The following FAR1 variants were observed in gnomAD, a reference collection of about 807,000 sequenced individuals.
The protein encoded by FAR1 is fatty acyl-CoA reductase 1.
A neutral mutation model predicts 61.1 loss-of-function variants in FAR1; 22 were observed. That is an observed-to-expected ratio of 0.36 (90% CI 0.26 to 0.51). The LOEUF is 0.51. FAR1 is among the 20% of genes least tolerant of loss of function. The pLI, the probability that FAR1 is intolerant of heterozygous loss-of-function variation, is 0.95. For missense variants in FAR1, 359 were observed against 626.9 expected, an observed-to-expected ratio of 0.57 and a Z score of 4.56; for synonymous variants, 206 against 209.7, an observed-to-expected ratio of 0.98 and a Z score of 0.15.
chr11:13,713,937 T>C (rs548024832), intron 8 of FAR1, among the ~76,000 whole-genome samples: 1 of 152,264 alleles, frequency 6.6e-6, no homozygotes, highest in South Asian at 2.1e-4. Flanking sequence ...TAGTAAAAGC[T>C]GAAATTGAGC....
At chr11:13,701,676 A>G (rs185765979) in intron 3 of FAR1, among the ~76,000 whole-genome samples, 1 of 152,264 alleles carries the variant, frequency 6.6e-6, no homozygotes, top group East Asian at 1.9e-4. Flanking sequence ...CCAAAGCATT[A>G]CAGTGTGTTT....
At chr11:13,687,677 A>G (rs1848202435) in intron 1 of FAR1, among the ~76,000 whole-genome samples, 1 of 152,130 alleles carries the variant, frequency 6.6e-6, no homozygotes, top group African/African-American at 2.4e-5. Context: ...CCAAGAATAC[A>G]TTTCTTTTCA....
At chr11:13,717,239 G>A (rs745930884) in intron 9 of FAR1, among the ~76,000 whole-genome samples, 8 of 151,876 alleles carry the variant, frequency 5.3e-5, no homozygotes, top group Non-Finnish European at 1.2e-4. Context: ...TGGTCAATTG[G>A]CGGATGACGC....
intron 2 of FAR1, among the ~76,000 whole-genome samples, chr11:13,696,456 C>T (rs1447576697): frequency 6.6e-6 from 1 of 152,102 alleles, no homozygotes; most frequent in Non-Finnish European, 1.5e-5. Flanking sequence ...CTGAGTAAAA[C>T]ATGAAGAAGA....
intron 1 of FAR1, among the ~76,000 whole-genome samples, chr11:13,687,026 A>G (rs891185760): frequency 3.9e-5 from 6 of 152,210 alleles, no homozygotes; most frequent in South Asian, 2.1e-4. Context: ...GCTAAATTGC[A>G]GAGTTTGGAC....
chr11:13,707,629 A>T (rs1156599752), intron 3 of FAR1, among the ~76,000 whole-genome samples: 1 of 152,204 alleles, frequency 6.6e-6, no homozygotes, highest in Non-Finnish European at 1.5e-5. Context: ...GACTGAAATT[A>T]TCTGTTTGTT....
chr11:13,730,143 G>A lies in FAR1; in HGVS notation c.*1369G>A, dbSNP rs957551516. 6 of 152,380 alleles carry A rather than the reference G, an allele frequency of 3.9e-5. No individual in the cohort carries two copies. Among genetic ancestry groups the A allele is most frequent in the Non-Finnish European group, 8.8e-5 (6 of 67,880 alleles). The allele number at this position is 152,380 out of a possible 1,614,324, so 9.4% of individuals were successfully genotyped here. A position where few individuals can be genotyped will look rare whatever the true frequency, so the allele number is the denominator to read the frequency against. Reference sequence around the variant, plus strand: ...CTAATTAAGTTTATCAAGTTGTACTGTATTAGATAATCAGCAGTGTATCTG... The same window carrying A: ...CTAATTAAGTTTATCAAGTTGTACTATATTAGATAATCAGCAGTGTATCTG... On this transcript the variant is annotated 3_prime_UTR_variant, in exon 12 of 12. Coordinates refer to ENST00000354817, the MANE Select transcript of FAR1 (RefSeq NM_032228.6).
At position 13,728,870 on chromosome 11, in the gene FAR1, T is replaced by A; in HGVS notation, c.*96T>A. ...GTCATCTCACTTTTTGTCAAGACAT[T>A]AAACCATCTTAGATCGGAGTGTGAA... On this transcript the variant is annotated 3_prime_UTR_variant, in exon 12 of 12. Transcript: ENST00000354817. The A allele has an allele frequency of 2.7e-6, 3 of 1,126,346 alleles. No individual in the cohort carries two copies. Among genetic ancestry groups the A allele is most frequent in the Non-Finnish European group, 3.8e-6 (3 of 782,686 alleles). The allele number at this position is 1,126,346 out of a possible 1,614,324, so 69.8% of individuals were successfully genotyped here.
intron 3 of FAR1, among the ~76,000 whole-genome samples, chr11:13,702,257 G>A (rs1262192788): frequency 6.6e-6 from 1 of 151,956 alleles, no homozygotes; most frequent in East Asian, 1.9e-4. Flanking sequence ...TATATTTGCT[G>A]ATAATACATT....
intron 2 of FAR1, among the ~76,000 whole-genome samples, chr11:13,696,043 A>G (rs904627642): frequency 2.0e-5 from 3 of 152,108 alleles, no homozygotes; most frequent in Admixed American, 6.5e-5. Flanking sequence ...CTTAAAACCT[A>G]CAAGGAAAGA....
At chr11:13,686,908 C>T (rs1327543252) in intron 1 of FAR1, among the ~76,000 whole-genome samples, 5 of 152,130 alleles carry the variant, frequency 3.3e-5, no homozygotes, top group Non-Finnish European at 5.9e-5. Flanking sequence ...CTCTGTGATT[C>T]TCCATTTGTG....
chr11:13,713,965 A>G lies in FAR1; in HGVS notation c.956-544A>G, dbSNP rs1194743122. Among the ~76,000 whole-genome samples, 10 of 152,112 alleles carry G rather than the reference A, an allele frequency of 6.6e-5. 1 individual carries two copies. The South Asian group carries it at 1.9e-3, about 28-fold the overall frequency. On this transcript the variant is annotated intron_variant, in intron 8 of 11. Transcript: ENST00000354817. ...AATTGAGCGTTATATTTTAGTGACTATCTCAATATACATTTCTAGTAAAGT... is the reference window on the plus strand; with the variant it reads ...AATTGAGCGTTATATTTTAGTGACTGTCTCAATATACATTTCTAGTAAAGT...
Position 13,700,390 on chromosome 11 carries a change from A to G in FAR1, c.263A>G (p.Gln88Arg). ...KIIAINSELT[Q>R]PKLALSEEDK... ...ATAGCAATCAACAGCGAACTCACCC[A>G]ACCTAAACTGGCTCTCAGTGAAGAA... The change falls in exon 3 of 12, where the codon CAA becomes CGA. Residue 88 changes from glutamine (Q) to arginine (R), a missense_variant. This residue lies in a region of FAR1 where 344 missense variants were observed against 570.3 expected (regional missense o/e 0.60). Coordinates refer to ENST00000354817, the MANE Select transcript of FAR1 (RefSeq NM_032228.6). 6.2e-7 allele frequency: 1 copy of G among 1,604,084 alleles called. No individual in the cohort carries two copies. Among genetic ancestry groups the G allele is most frequent in the Non-Finnish European group, 8.5e-7 (1 of 1,176,686 alleles).
chr11:13,702,643 A>G lies in FAR1; in HGVS notation c.365+2151A>G, dbSNP rs1282585564. Among the ~76,000 whole-genome samples, 11 of 152,144 alleles carry G rather than the reference A, an allele frequency of 7.2e-5. 1 individual carries two copies. Among genetic ancestry groups the G allele is most frequent in the African/African-American group, 2.4e-4 (10 of 41,434 alleles). ...TTCCCCCATAGTTCTGGCTTTTATT[A>G]TTTCCTTCATAGACAAAAGAAAGAG... On this transcript the variant is annotated intron_variant, in intron 3 of 11. Coordinates refer to ENST00000354817, the MANE Select transcript of FAR1 (RefSeq NM_032228.6).
chr11:13,669,183 G>C (rs956962379), intron 1 of FAR1: 1 of 152,454 alleles, frequency 6.6e-6, no homozygotes, highest in Non-Finnish European at 1.5e-5. Context: ...TAGCGGCAAA[G>C]GGAGGCCTAG....
At chr11:13,671,537 T>C (rs1848004291) in intron 1 of FAR1, among the ~76,000 whole-genome samples, 1 of 152,126 alleles carries the variant, frequency 6.6e-6, no homozygotes, top group Non-Finnish European at 1.5e-5. Flanking sequence ...TATTGAGAGG[T>C]AGGTTTAACA....
At position 13,713,046 on chromosome 11, in the gene FAR1, C is replaced by G; in HGVS notation, c.955+13C>G. 6.2e-7 allele frequency: 1 copy of G among 1,608,732 alleles called. No individual in the cohort carries two copies. The highest frequency in any genetic ancestry group is 1.7e-4 in the Middle Eastern group (1 of 6,042). ...TGGGGTGAAGTTGGTATGATTTTAC[C>G]TGTGTTTTTGAATGTTAGAATAAAT... is the stretch of plus-strand genomic sequence containing the variant. On this transcript the variant is annotated intron_variant, in intron 8 of 11. Coordinates refer to ENST00000354817, the MANE Select transcript of FAR1 (RefSeq NM_032228.6).
At chr11:13,705,362 C>T (rs6486137) in intron 3 of FAR1, among the ~76,000 whole-genome samples, 9 of 151,814 alleles carry the variant, frequency 5.9e-5, no homozygotes, top group African/African-American at 2.2e-4. Flanking sequence ...ATGTTACTCA[C>T]TTGGGTGCAG....
At chr11:13,695,338 A>G (rs1450438993) in intron 2 of FAR1, among the ~76,000 whole-genome samples, 4 of 152,206 alleles carry the variant, frequency 2.6e-5, no homozygotes, top group Non-Finnish European at 5.9e-5. Flanking sequence ...GATAAAATTT[A>G]TAAACACCAC....
Sources: allele counts gnomAD v4.1 joint callset (sites outside exome capture counted in the v4.1 genomes callset), GRCh38; gene constraint gnomAD v4.1.1; regional missense constraint gnomAD v4.1.1; transcripts MANE v1.5; gene names NCBI Gene and HGNC (gene_info 2026-07-23, HGNC 2026-07-21).